The following CCDC7 variants were observed in gnomAD, a reference collection of about 807,000 sequenced individuals.
CCDC7 encodes the protein coiled-coil domain-containing protein 7.
Under a neutral mutation model 196.9 loss-of-function variants are expected in CCDC7, and 183 were observed. The ratio of observed to expected loss-of-function variants is 0.93; its 90% CI spans 0.82 to 1.05. The LOEUF (loss-of-function observed/expected upper bound fraction) is 1.05, where lower values mean the gene tolerates loss of function less well. Among genes scored for constraint, CCDC7 ranks in the 50% least tolerant of loss-of-function variants. CCDC7 has a pLI of 0.00. For synonymous variants in CCDC7, 525 were observed against 484.6 expected (o/e 1.08, Z -1.10); for missense variants, 1,540 against 1,482.2 (o/e 1.04, Z -0.64).
chr10:32,595,512 T>C (rs2060238570), intron 18 of CCDC7, among the ~76,000 whole-genome samples: 1 of 152,194 alleles, frequency 6.6e-6, no homozygotes, highest in Admixed American at 6.5e-5. Context: ...GATTCATTGA[T>C]TTTTTGAAGA....
chr10:32,788,083 C>T (rs2082135266), intron 29 of CCDC7, among the ~76,000 whole-genome samples: 1 of 152,206 alleles, frequency 6.6e-6, no homozygotes, highest in African/African-American at 2.4e-5. Context: ...CCAACACTGC[C>T]TCAACACTGA....
chr10:32,823,952 AC>A (rs2090700298), intron 31 of CCDC7, among the ~76,000 whole-genome samples: 1 of 152,116 alleles, frequency 6.6e-6, no homozygotes, highest in South Asian at 2.1e-4. Flanking sequence ...CTTTTTTATC[AC>A]TGATGCCTAT....
chr10:32,587,218 G>A (rs567283943), intron 18 of CCDC7, among the ~76,000 whole-genome samples: 5 of 152,112 alleles, frequency 3.3e-5, no homozygotes, highest in Admixed American at 1.3e-4. Flanking sequence ...CTCATTCCCC[G>A]CATTTTCCTC....
chr10:32,732,164 C>A (rs2084096768), intron 28 of CCDC7, among the ~76,000 whole-genome samples: 1 of 152,082 alleles, frequency 6.6e-6, no homozygotes, highest in Non-Finnish European at 1.5e-5. Flanking sequence ...AAAAGCCTTT[C>A]TTTTTGCAAC....
chr10:32,870,329 G>A (rs546419278), intron 41 of CCDC7, among the ~76,000 whole-genome samples: 51 of 152,204 alleles, frequency 3.4e-4, no homozygotes, highest in African/African-American at 1.0e-3. Flanking sequence ...TTATAAGTTG[G>A]ATTCCTAGGT....
At chr10:32,571,032 G>A (rs1025335983) in intron 15 of CCDC7, among the ~76,000 whole-genome samples, 1 of 132,238 alleles carries the variant, frequency 7.6e-6, no homozygotes, top group African/African-American at 2.9e-5. Flanking sequence ...TTGAGAGAGA[G>A]TCTCACTCTG....
chr10:32,851,900 T>A (rs2093578633), exon 40 of CCDC7: 5 of 1,608,022 alleles, frequency 3.1e-6, no homozygotes, highest in Non-Finnish European at 4.2e-6. Flanking sequence ...TCTAAAGACA[T>A]CCACCTTCCT....
Position 32,482,227 on chromosome 10 carries a change from G to C in CCDC7, c.796+8204G>C, listed in dbSNP as rs118109087. 7.9e-3 allele frequency among the ~76,000 whole-genome samples: 1,199 copies of C among 151,844 alleles called. 6 individuals carry two copies. Among genetic ancestry groups the C allele is most frequent in the Middle Eastern group, 0.021 (6 of 292 alleles). On this transcript the variant is annotated intron_variant, in intron 8 of 41. Coordinates refer to ENST00000639629, the Ensembl canonical transcript of CCDC7. ...TTTAAATTTTTACATATTTAGAGGA[G>C]ATAACTGCAGATTTCTTACATGTAT... is the stretch of plus-strand genomic sequence containing the variant.
rs1246847648 is a variant in CCDC7 at position 32,722,952 on chromosome 10, GTC to G, written c.2570-3780_2570-3779del. ...CATAGGGACCTTGGCCTGATCCTTA[GTC>G]TTGTTTAGTTTTGAAAGCTGAGACA... On this transcript the variant is annotated intron_variant, in intron 25 of 41. Transcript: ENST00000639629. 2.0e-5 allele frequency among the ~76,000 whole-genome samples: 3 copies of G among 152,066 alleles called. No homozygotes were observed. In the East Asian group the frequency reaches 5.8e-4, roughly 29 times the overall value.
chr10:32,866,087 C>A (rs2094192198), intron 41 of CCDC7, among the ~76,000 whole-genome samples: 1 of 151,694 alleles, frequency 6.6e-6, no homozygotes. Flanking sequence ...ATATTATTCT[C>A]CATTAAAATG....
intron 21 of CCDC7, among the ~76,000 whole-genome samples, chr10:32,674,661 A>G (rs1384616010): frequency 6.6e-6 from 1 of 152,012 alleles, no homozygotes. Context: ...TGATCTATCC[A>G]TTTTTGAAAG....
chr10:32,794,587 CTG>C (rs2083244552), intron 29 of CCDC7, among the ~76,000 whole-genome samples: 1 of 152,100 alleles, frequency 6.6e-6, no homozygotes, highest in South Asian at 2.1e-4. Flanking sequence ...TTGCCAGCAT[CTG>C]TTGTTTTTTT....
chr10:32,552,798 T>C (rs967190866), intron 13 of CCDC7, among the ~76,000 whole-genome samples: 3 of 152,242 alleles, frequency 2.0e-5, no homozygotes, highest in Non-Finnish European at 4.4e-5. Context: ...GCTGTTAATC[T>C]GATAGGTTTT....
chr10:32,622,134 A>G (rs2063485551), intron 18 of CCDC7, among the ~76,000 whole-genome samples: 1 of 152,130 alleles, frequency 6.6e-6, no homozygotes, highest in East Asian at 1.9e-4. Context: ...TTCATTCTGT[A>G]TTCTGAGATT....
In CCDC7 at chr10:32,707,318, T is replaced by G. The variant is rs188680508; in HGVS notation, c.2459-4302T>G. On this transcript the variant is annotated intron_variant, in intron 24 of 41. Coordinates refer to ENST00000639629, the Ensembl canonical transcript of CCDC7. ...ATAAATTAGGTACTGATGGGACGTA[T>G]CTCAAAATAGTAAGAGCTCTCTATG... Among the ~76,000 whole-genome samples the G allele has an allele frequency of 7.9e-5, 12 of 152,268 alleles. No homozygotes were observed. In the East Asian group the frequency reaches 2.3e-3, roughly 29 times the overall value.
chr10:32,722,794 C>T (rs1263510968), intron 25 of CCDC7, among the ~76,000 whole-genome samples: 1 of 151,960 alleles, frequency 6.6e-6, no homozygotes, highest in Non-Finnish European at 1.5e-5. Flanking sequence ...AACCCGTAAC[C>T]CTCCCATCAT....
At chr10:32,855,623 A>G (rs1488132281) in intron 41 of CCDC7, among the ~76,000 whole-genome samples, 1 of 152,182 alleles carries the variant, frequency 6.6e-6, no homozygotes, top group Non-Finnish European at 1.5e-5. Context: ...GCAGAGCTCA[A>G]GTGGTAATGC....
chr10:32,525,756 A>G (rs2048569933), intron 11 of CCDC7, among the ~76,000 whole-genome samples: 2 of 152,230 alleles, frequency 1.3e-5, no homozygotes, highest in South Asian at 4.1e-4. Context: ...TATTTTTTGC[A>G]GACTCTTAGA....
intron 11 of CCDC7, 63 bp downstream of exon 12, chr10:32,518,568 G>C: frequency 7.8e-7 from 1 of 1,283,032 alleles, no homozygotes. Flanking sequence ...TGTTAGGATA[G>C]AAATCAAAGA....
Sources: gnomAD v4.1 joint callset for allele counts (sites outside exome capture counted in the v4.1 genomes callset) on GRCh38, gnomAD v4.1.1 for gene constraint, MANE v1.5 for transcripts, NCBI Gene and HGNC (gene_info 2026-07-23, HGNC 2026-07-21) for gene names.